The following SERPINB8 variants were observed in gnomAD, a reference collection of about 807,000 sequenced individuals.
SERPINB8 encodes the protein serpin B8.
In SERPINB8, 25 loss-of-function variants were observed where a neutral mutation model predicts 35.3. The ratio of observed to expected loss-of-function variants is 0.71; its 90% CI spans 0.52 to 0.99. The LOEUF is 0.99. Among genes scored for constraint, SERPINB8 ranks in the 50% least tolerant of loss-of-function variants. The probability of loss-of-function intolerance (pLI) is 0.00; values close to 1 mark genes in which losing one functional copy is unlikely to be tolerated. For synonymous variants in SERPINB8, 186 were observed against 160.8 expected, an observed-to-expected ratio of 1.16 and a Z score of -1.19; for missense variants, 484 against 446.5, an observed-to-expected ratio of 1.08 and a Z score of -0.76.
intron 1 of SERPINB8, among the ~76,000 whole-genome samples, chr18:63,975,012 G>C (rs2050558582): frequency 6.6e-6 from 1 of 152,066 alleles, no homozygotes; most frequent in Non-Finnish European, 1.5e-5. Context: ...GCAACTAAGA[G>C]CAGTTAAAAT....
rs751451046 is a variant in SERPINB8, at chr18:63,986,990, G to T, written c.837G>T (p.Leu279Phe). ...TAAAGCTGGAGGAGAGTTATGACTT[G>T]GAGCCTTTCCTTCGAAGATTAGGAA... ...PRLKLEESYD[L>F]EPFLRRLGMI... Residue 279 changes from leucine (L) to phenylalanine (F), a missense_variant, in exon 7 of 7, where the codon TTG becomes TTT. Coordinates refer to ENST00000397985, the MANE Select transcript of SERPINB8 (RefSeq NM_002640.4). 6.2e-7 allele frequency: 1 copy of T among 1,614,226 alleles called. No homozygotes were observed.
intron 1 of SERPINB8, among the ~76,000 whole-genome samples, chr18:63,976,961 C>G (rs2050592003): frequency 6.6e-6 from 1 of 151,396 alleles, no homozygotes; most frequent in South Asian, 2.1e-4. Flanking sequence ...CAGCCTATCT[C>G]AAACAAACCC....
At chr18:63,997,073 A>G (rs1285667954) in intron 1 of SERPINB8, among the ~76,000 whole-genome samples, 3 of 146,752 alleles carry the variant, frequency 2.0e-5, no homozygotes, top group East Asian at 1.9e-4. Flanking sequence ...TTCCTTTACT[A>G]TCGCTCATAG....
At chr18:63,984,984 G>A (rs1235939075) in intron 5 of SERPINB8, 109 bp from the exon 6 acceptor site, 1 of 1,018,506 alleles carries the variant, frequency 9.8e-7, no homozygotes, top group Non-Finnish European at 1.4e-6. Context: ...CAGCATAAAT[G>A]TGCAGAAACA....
At chr18:63,994,676 T>C (rs1235472425) in intron 1 of SERPINB8, among the ~76,000 whole-genome samples, 2 of 152,120 alleles carry the variant, frequency 1.3e-5, no homozygotes, top group African/African-American at 4.8e-5. Context: ...ACCCATGCCA[T>C]TGAAAAACAC....
Position 64,018,762 on chromosome 18 carries a change from G to A in SERPINB8, c.*3-148G>A, listed in dbSNP as rs1194765484. 3 of 152,154 alleles carry A rather than the reference G, an allele frequency of 2.0e-5. No homozygotes were observed. The South Asian group carries it at 6.2e-4, about 32-fold the overall frequency. 9.4% of individuals were successfully genotyped at this position (152,154 alleles called of 1,614,324 possible). On this transcript the variant is annotated intron_variant, in intron 7 of 7. Transcript: ENST00000636430. ...CCTATTTTTCTGGTTTTATGAAAGC[G>A]TTCCAACGTTTATTAGACACACCTT...
At chr18:64,015,318 G>A (rs1311110010) in intron 7 of SERPINB8, among the ~76,000 whole-genome samples, 1 of 152,174 alleles carries the variant, frequency 6.6e-6, no homozygotes, top group Non-Finnish European at 1.5e-5. Flanking sequence ...CGGAGGTAGG[G>A]AAGGCAGTTG....
downstream of SERPINB8, among the ~76,000 whole-genome samples, chr18:64,008,734 A>C (rs1351051421): frequency 2.6e-5 from 4 of 152,194 alleles, no homozygotes; most frequent in African/African-American, 9.7e-5. Flanking sequence ...AAGTTATTCA[A>C]ATATAATTCA....
chr18:63,972,461 T>C (rs2050500157), intron 1 of SERPINB8, among the ~76,000 whole-genome samples: 1 of 152,228 alleles, frequency 6.6e-6, no homozygotes, highest in South Asian at 2.1e-4. Context: ...CATTTATCCA[T>C]TCTGTTTTTG....
intron 6 of SERPINB8, chr18:63,986,307 A>G (rs1371026127): frequency 1.2e-6 from 2 of 1,608,802 alleles, no homozygotes; most frequent in African/African-American, 2.7e-5. Flanking sequence ...GGACAGGCAG[A>G]GGACAAACAA....
chr18:64,010,064 T>C (rs2050919025), downstream of SERPINB8, among the ~76,000 whole-genome samples: 2 of 152,048 alleles, frequency 1.3e-5, no homozygotes, highest in Non-Finnish European at 1.5e-5. Context: ...AAATATGAAG[T>C]ATTTCCATGA....
intron 2 of SERPINB8, among the ~76,000 whole-genome samples, chr18:63,978,834 T>A (rs1419394797): frequency 1.3e-5 from 2 of 151,880 alleles, no homozygotes; most frequent in African/African-American, 2.4e-5. Context: ...ATTATATTTT[T>A]AATAGACATG....
chr18:63,972,159 T>C (rs1393334515), intron 1 of SERPINB8, among the ~76,000 whole-genome samples: 1 of 152,190 alleles, frequency 6.6e-6, no homozygotes, highest in Non-Finnish European at 1.5e-5. Context: ...GTTTCCCTAC[T>C]GATCACACCC....
intron 7 of SERPINB8, among the ~76,000 whole-genome samples, chr18:64,012,408 T>C (rs186686538): frequency 2.0e-5 from 3 of 152,310 alleles, no homozygotes; most frequent in Admixed American, 1.3e-4. Context: ...GCCCTCTGAA[T>C]TGATCTTTTA....
chr18:64,019,352 A>G (rs1241055332), exon 8 of SERPINB8: 1 of 152,210 alleles, frequency 6.6e-6, no homozygotes, highest in Non-Finnish European at 1.5e-5. Flanking sequence ...ATCTGTCTTC[A>G]TCTCTCTGTA....
rs549699660 is a variant in SERPINB8, at chr18:64,001,860, G to T, written c.71-2959G>T. Among the ~76,000 whole-genome samples the T allele has an allele frequency of 2.0e-5, 3 of 152,292 alleles. No individual in the cohort carries two copies. The South Asian group carries it at 6.2e-4, about 32-fold the overall frequency. On this transcript the variant is annotated intron_variant, in intron 1 of 1. Coordinates refer to the SERPINB8 transcript ENST00000493661. Reference sequence around the variant, plus strand: ...ATCCAGGCTCAAGTTAGAATGCACGGATTCTGGCTACTTTGAAGGGCATCT... The same window carrying T: ...ATCCAGGCTCAAGTTAGAATGCACGTATTCTGGCTACTTTGAAGGGCATCT...
chr18:63,984,962 T>C, intron 5 of SERPINB8, 131 bp from the exon 6 acceptor site: 2 of 838,210 alleles, frequency 2.4e-6, no homozygotes, highest in South Asian at 3.8e-5. Flanking sequence ...CTAATGAAGA[T>C]TTTATATCTA....
rs868074431 is a variant in SERPINB8, at chr18:63,979,822, G to A, written c.190G>A (p.Gly64Arg). The change falls in exon 3 of 7, where the codon GGA (glycine) becomes AGA (arginine). Residue 64 changes from glycine to arginine, a missense_variant. Physicochemically the swap from Gly to Arg is moderately radical, Grantham distance 125. Coordinates refer to ENST00000397985, the MANE Select transcript of SERPINB8 (RefSeq NM_002640.4). ...CCAGGCACTTTGTTTATACAAAGAC[G>A]GAGATATTCACCGAGGTTTCCAGTC... ...MSQALCLYKDGDIHRGFQSLL... is the reference protein window; with the variant it reads ...MSQALCLYKDRDIHRGFQSLL... 9 of 1,613,942 alleles carry A rather than the reference G, an allele frequency of 5.6e-6. No individual in the cohort carries two copies. The highest frequency in any genetic ancestry group is 1.1e-5 in the South Asian group (1 of 91,082).
intron 1 of SERPINB8, among the ~76,000 whole-genome samples, chr18:64,003,368 A>G (rs940592113): frequency 3.9e-5 from 6 of 151,942 alleles, no homozygotes; most frequent in African/African-American, 1.5e-4. Flanking sequence ...CAGGGTAGGG[A>G]CTGGGGAAGC....
Sources: gnomAD v4.1 joint callset for allele counts (sites outside exome capture counted in the v4.1 genomes callset) on GRCh38, gnomAD v4.1.1 for gene constraint, MANE v1.5 for transcripts, NCBI Gene and HGNC (gene_info 2026-07-23, HGNC 2026-07-21) for gene names.